The following STON2 variants were observed in gnomAD, a reference collection of about 807,000 sequenced individuals.
STON2 encodes the protein stonin-2.
Under a neutral mutation model 65.7 loss-of-function variants are expected in STON2, and 29 were observed. The observed-to-expected ratio is 0.44, with a 90% CI of 0.33 to 0.60. The LOEUF is 0.60. STON2 is among the 20% of genes least tolerant of loss of function. STON2 has a pLI of 0.03. For missense variants in STON2, 1,054 were observed against 1,118.1 expected (o/e 0.94, Z 0.82); for synonymous variants, 404 against 414.2 (o/e 0.98, Z 0.30).
intron 3 of STON2, among the ~76,000 whole-genome samples, chr14:81,374,423 A>C (rs1337712606): frequency 6.6e-6 from 1 of 152,138 alleles, no homozygotes; most frequent in East Asian, 1.9e-4. Flanking sequence ...ATAAATAAAT[A>C]AATCACAAAA....
rs996614251 is a variant in STON2 at position 81,262,394 on chromosome 14, A to G, written c.*6020T>C. On this transcript the variant is annotated 3_prime_UTR_variant, in exon 8 of 8. Coordinates refer to ENST00000614646, the MANE Select transcript of STON2 (RefSeq NM_001394390.1). ...TGACCAGAGTAGACATTTGATAAAT[A>G]TTTGTTGAGTTGAATTAATCCTGCC... 1.0e-6 allele frequency: 1 copy of G among 985,266 alleles called. No individual in the cohort carries two copies. Among genetic ancestry groups the G allele is most frequent in the South Asian group, 4.7e-5 (1 of 21,286 alleles). The allele number at this position is 985,266 out of a possible 1,614,324, so 61.0% of individuals were successfully genotyped here.
At chr14:81,329,479 G>GAGAC (rs1444199679) in intron 4 of STON2, among the ~76,000 whole-genome samples, 20 of 149,958 alleles carry the variant, frequency 1.3e-4, no homozygotes, top group Admixed American at 7.9e-4. Flanking sequence ...AAAAGAGAGA[G>GAGAC]ACAAAGATAC....
chr14:81,409,303 G>C (rs974352146), intron 2 of STON2, among the ~76,000 whole-genome samples: 1 of 151,930 alleles, frequency 6.6e-6, no homozygotes, highest in Non-Finnish European at 1.5e-5. Flanking sequence ...TACTCGGGAG[G>C]CTGAGGCAGG....
rs1472909819 is a variant in STON2 at position 81,277,074 on chromosome 14, C to G, written c.2408G>C (p.Ser803Thr). 1.2e-6 allele frequency: 2 copies of G among 1,614,230 alleles called. No homozygotes were observed. Among genetic ancestry groups the G allele is most frequent in the South Asian group, 2.2e-5 (2 of 91,078 alleles). The change falls in exon 6 of 8, where the codon AGT (serine) becomes ACT (threonine). Residue 803 changes from serine to threonine, a missense_variant. Transcript: ENST00000614646. ...SEWVKNFRRE[S>T]VLGEKSLKAK... Reference sequence around the variant, plus strand: ...TTTCAAAGACTTTTCCCCCAGGACACTTTCCCTGCGGAAGTTTTTCACCCA... The same window carrying G: ...TTTCAAAGACTTTTCCCCCAGGACAGTTTCCCTGCGGAAGTTTTTCACCCA...
At chr14:81,394,089 G>A (rs1000526573) in intron 3 of STON2, among the ~76,000 whole-genome samples, 1 of 152,112 alleles carries the variant, frequency 6.6e-6, no homozygotes, top group African/African-American at 2.4e-5. Context: ...TACTCAGGAG[G>A]CTGAGACCTG....
chr14:81,324,035 C>T lies in STON2; in HGVS notation c.724G>A (p.Gly242Arg), dbSNP rs148314508. Among the ~76,000 whole-genome samples the T allele has an allele frequency of 2.0e-5, 3 of 152,234 alleles. No homozygotes were observed. Among genetic ancestry groups the T allele is most frequent in the African/African-American group, 7.2e-5 (3 of 41,460 alleles). ...CCCTTACCATTGGGAGCAGAGGCCCCCTCCGGACCCTCGCCGGGGTTCTGG... is the reference window on the plus strand; with the variant it reads ...CCCTTACCATTGGGAGCAGAGGCCCTCTCCGGACCCTCGCCGGGGTTCTGG... ...RSQNPGEGPE[G>R]ASAPNDNSSS... The change falls in exon 5 of 8, where the codon GGG becomes AGG. Residue 242 changes from glycine to arginine, a missense_variant. Gly to Arg is a moderately radical substitution (Grantham distance 125). Coordinates refer to ENST00000614646, the MANE Select transcript of STON2 (RefSeq NM_001394390.1).
intron 4 of STON2, among the ~76,000 whole-genome samples, chr14:81,327,745 TA>T (rs1241268711): frequency 6.6e-6 from 1 of 152,240 alleles, no homozygotes; most frequent in Non-Finnish European, 1.5e-5. Flanking sequence ...TGTTAGACAA[TA>T]TATATTTTTT....
intron 2 of STON2, among the ~76,000 whole-genome samples, chr14:81,397,289 A>G (rs1344143063): frequency 6.6e-6 from 1 of 152,236 alleles, no homozygotes; most frequent in African/African-American, 2.4e-5. Flanking sequence ...AATGTGAGCT[A>G]CATATGTAAT....
Position 81,332,347 on chromosome 14 carries a change from A to G in STON2, c.572-8160T>C, listed in dbSNP as rs557002563. ...AAAATGTCTAAGATTTTATCACATAAATGACACACAAGAAAGCAAAATTTT... is the reference window on the plus strand; with the variant it reads ...AAAATGTCTAAGATTTTATCACATAGATGACACACAAGAAAGCAAAATTTT... On this transcript the variant is annotated intron_variant, in intron 4 of 7. Coordinates refer to ENST00000614646, the MANE Select transcript of STON2 (RefSeq NM_001394390.1). Among the ~76,000 whole-genome samples, 235 of 152,340 alleles carry G rather than the reference A, an allele frequency of 1.5e-3. 1 individual carries two copies. The highest frequency in any genetic ancestry group is 5.3e-3 in the African/African-American group (222 of 41,576).
chr14:81,384,745 T>A (rs1899711288), intron 3 of STON2, among the ~76,000 whole-genome samples: 1 of 152,222 alleles, frequency 6.6e-6, no homozygotes, highest in Non-Finnish European at 1.5e-5. Flanking sequence ...ATACAGTATT[T>A]TTCTTTCTTC....
At chr14:81,344,939 C>G (rs1434288041) in intron 4 of STON2, among the ~76,000 whole-genome samples, 3 of 151,988 alleles carry the variant, frequency 2.0e-5, no homozygotes, top group Non-Finnish European at 4.4e-5. Flanking sequence ...TAAACTAATC[C>G]CTTGGCGAAC....
intron 4 of STON2, among the ~76,000 whole-genome samples, chr14:81,366,485 C>T (rs1167508654): frequency 6.6e-6 from 1 of 152,106 alleles, no homozygotes; most frequent in East Asian, 1.9e-4. Context: ...GAGAGCCCAG[C>T]TCAGCTGAGG....
At chr14:81,323,258 C>T (rs1472378872) in intron 5 of STON2, among the ~76,000 whole-genome samples, 1 of 152,188 alleles carries the variant, frequency 6.6e-6, no homozygotes, top group African/African-American at 2.4e-5. Flanking sequence ...GAATTACTCT[C>T]TCACCCACAG....
intron 4 of STON2, among the ~76,000 whole-genome samples, chr14:81,329,495 A>G (rs1897129255): frequency 6.6e-6 from 1 of 151,868 alleles, no homozygotes. Context: ...GATACAGGGG[A>G]AAACGTCATG....
At chr14:81,290,663 T>G (rs1895520913) in intron 5 of STON2, among the ~76,000 whole-genome samples, 1 of 152,166 alleles carries the variant, frequency 6.6e-6, no homozygotes, top group Admixed American at 6.6e-5. Flanking sequence ...GATGGCCCCT[T>G]TCATCTGTAT....
Position 81,335,499 on chromosome 14 carries a change from G to A in STON2, c.572-11312C>T, listed in dbSNP as rs1897336288. 2.0e-5 allele frequency among the ~76,000 whole-genome samples: 3 copies of A among 152,300 alleles called. No individual in the cohort carries two copies. In the South Asian group the frequency reaches 6.2e-4, roughly 32 times the overall value. On this transcript the variant is annotated intron_variant, in intron 4 of 7. Coordinates refer to ENST00000614646, the MANE Select transcript of STON2 (RefSeq NM_001394390.1). The stretch of plus-strand genomic sequence containing the variant: ...GCTGCTGGGTAAGAATATCCAGGGT[G>A]TCACCTCTCAAGAGTTATTGTTTTT...
chr14:81,411,801 G>C (rs529240982), intron 2 of STON2, among the ~76,000 whole-genome samples: 1 of 152,120 alleles, frequency 6.6e-6, no homozygotes, highest in Non-Finnish European at 1.5e-5. Flanking sequence ...ACATCATGAG[G>C]GAAAAGGAAG....
chr14:81,392,074 C>A (rs1365361291), intron 3 of STON2, among the ~76,000 whole-genome samples: 1 of 151,918 alleles, frequency 6.6e-6, no homozygotes, highest in Non-Finnish European at 1.5e-5. Context: ...AAGAGGGTGC[C>A]AAAAAACTCA....
intron 4 of STON2, among the ~76,000 whole-genome samples, chr14:81,344,526 G>A (rs1229151111): frequency 2.0e-5 from 3 of 152,172 alleles, no homozygotes; most frequent in African/African-American, 7.2e-5. Flanking sequence ...TCCACTGTAT[G>A]TATGTATCAT....
Sources: gnomAD v4.1 joint callset for allele counts (sites outside exome capture counted in the v4.1 genomes callset) on GRCh38, gnomAD v4.1.1 for gene constraint, MANE v1.5 for transcripts, NCBI Gene and HGNC (gene_info 2026-07-23, HGNC 2026-07-21) for gene names.